STARD13: variants seen among roughly 807,000 people sequenced by gnomAD.
STARD13 encodes the protein stAR-related lipid transfer protein 13.
Under a neutral mutation model 106.4 loss-of-function variants are expected in STARD13, and 62 were observed. The ratio of observed to expected loss-of-function variants is 0.58; its 90% CI spans 0.48 to 0.72. STARD13 has a LOEUF of 0.72. STARD13 is among the 30% of genes least tolerant of loss of function. The probability of loss-of-function intolerance (pLI) is 0.00; values close to 1 mark genes in which losing one functional copy is unlikely to be tolerated. For synonymous variants in STARD13, 565 were observed against 553.0 expected (o/e 1.02, Z -0.31); for missense variants, 1,387 against 1,424.0 (o/e 0.97, Z 0.42).
At chr13:33,499,596 TC>T in the STARD13 span, among the ~76,000 whole-genome samples, 1 of 57,270 alleles carries the variant, frequency 1.7e-5, no homozygotes, top group Non-Finnish European at 3.7e-5. Flanking sequence ...TTCTTCTTCT[TC>T]TTCTTCTTTC....
At chr13:33,123,204 T>C (rs931290078) in intron 7 of STARD13, among the ~76,000 whole-genome samples, 12 of 151,000 alleles carry the variant, frequency 7.9e-5, no homozygotes, top group African/African-American at 2.9e-4. Context: ...GTACTAAGAG[T>C]CTTCCCAGCA....
the STARD13 span, among the ~76,000 whole-genome samples, chr13:33,499,519 T>TTTCTTTC: frequency 1.8e-4 from 17 of 91,968 alleles, no homozygotes; most frequent in African/African-American, 3.2e-4. Context: ...TTCTTCTTTC[T>TTTCTTTC]TTCTTCTTCT....
rs115664703 is a variant in STARD13 at position 33,268,830 on chromosome 13, C to G, written c.169+16640G>C. On this transcript the variant is annotated intron_variant, in intron 1 of 13. Transcript: ENST00000336934. Reference sequence around the variant, plus strand: ...CATGTCAGATTATTAGCATCAATCACAAAACATGGTAATTTATTTAAGTGG... The same window carrying G: ...CATGTCAGATTATTAGCATCAATCAGAAAACATGGTAATTTATTTAAGTGG... Among the ~76,000 whole-genome samples, 1,144 of 152,304 alleles carry G rather than the reference C, an allele frequency of 7.5e-3. 19 individuals carry two copies. Among genetic ancestry groups the G allele is most frequent in the African/African-American group, 0.026 (1,076 of 41,552 alleles).
At chr13:33,253,609 G>A (rs1035078555) in intron 1 of STARD13, among the ~76,000 whole-genome samples, 4 of 152,120 alleles carry the variant, frequency 2.6e-5, no homozygotes, top group African/African-American at 4.8e-5. Flanking sequence ...CGAGGCTGCC[G>A]GTCAGTGATG....
At chr13:33,645,006 G>A in the STARD13 span, among the ~76,000 whole-genome samples, 12 of 152,140 alleles carry the variant, frequency 7.9e-5, no homozygotes, top group African/African-American at 2.9e-4. Flanking sequence ...AAATACTTTG[G>A]TAGTAGTTCT....
At chr13:33,398,074 C>T in the STARD13 span, among the ~76,000 whole-genome samples, 1 of 152,192 alleles carries the variant, frequency 6.6e-6, no homozygotes, top group Admixed American at 6.5e-5. Flanking sequence ...GTATGGTCAA[C>T]TGGGCAATAA....
At chr13:33,614,933 GT>G in the STARD13 span, among the ~76,000 whole-genome samples, 1 of 152,186 alleles carries the variant, frequency 6.6e-6, no homozygotes, top group African/African-American at 2.4e-5. Context: ...CATTCTAAAT[GT>G]TTTTGGAAAC....
At chr13:33,369,265 T>C in the STARD13 span, among the ~76,000 whole-genome samples, 2 of 151,978 alleles carry the variant, frequency 1.3e-5, no homozygotes, top group Non-Finnish European at 2.9e-5. Context: ...CAGGTGCCTC[T>C]GTTGTTTCGT....
At chr13:33,264,897 T>G (rs1890822762) in intron 1 of STARD13, among the ~76,000 whole-genome samples, 1 of 152,158 alleles carries the variant, frequency 6.6e-6, no homozygotes. Context: ...ACAACCCGTC[T>G]TGATGAAGAG....
the STARD13 span, among the ~76,000 whole-genome samples, chr13:33,623,118 T>TAAAAA: frequency 1.3e-5 from 2 of 151,822 alleles, no homozygotes; most frequent in East Asian, 3.9e-4. Context: ...TAAAATAAAA[T>TAAAAA]AAAAATAAAT....
intron 1 of STARD13, among the ~76,000 whole-genome samples, chr13:33,293,420 T>C (rs1892366220): frequency 6.6e-6 from 1 of 152,228 alleles, no homozygotes; most frequent in South Asian, 2.1e-4. Flanking sequence ...GAGGAATAGA[T>C]GCATATTTTT....
chr13:33,191,507 C>T lies in STARD13; in HGVS notation c.170-23885G>A, dbSNP rs192093806. ...TCTTTGGAAAAATGTAATGGGACTC[C>T]AGAGAAGGTCAACCACATGCCGATG... On this transcript the variant is annotated intron_variant, in intron 1 of 13. Coordinates refer to ENST00000336934, the MANE Select transcript of STARD13 (RefSeq NM_178006.4). 2.6e-5 allele frequency among the ~76,000 whole-genome samples: 4 copies of T among 152,248 alleles called. No individual in the cohort carries two copies. The East Asian group carries it at 7.7e-4, about 29-fold the overall frequency.
At chr13:33,346,387 T>A (rs1453488122), downstream of STARD13, among the ~76,000 whole-genome samples, 2 of 152,168 alleles carry the variant, frequency 1.3e-5, no homozygotes, top group Non-Finnish European at 2.9e-5. Context: ...GTATGTATGA[T>A]CCCCTCCTTC....
At chr13:33,231,013 G>A (rs1238868281) in intron 1 of STARD13, among the ~76,000 whole-genome samples, 1 of 152,242 alleles carries the variant, frequency 6.6e-6, no homozygotes, top group Non-Finnish European at 1.5e-5. Context: ...TGGGACACTA[G>A]CTTAGAAGGA....
At chr13:33,403,226 C>G in the STARD13 span, among the ~76,000 whole-genome samples, 3 of 152,118 alleles carry the variant, frequency 2.0e-5, no homozygotes, top group Non-Finnish European at 4.4e-5. Flanking sequence ...ACAGGCAAGC[C>G]ACACCCCTGC....
chr13:33,205,782 C>T (rs1366002066), intron 1 of STARD13: 1 of 911,376 alleles, frequency 1.1e-6, no homozygotes, highest in South Asian at 5.1e-5. Flanking sequence ...GTCTTTCCCA[C>T]CACCACGACC....
the STARD13 span, among the ~76,000 whole-genome samples, chr13:33,671,193 T>C: frequency 6.6e-6 from 1 of 152,074 alleles, no homozygotes; most frequent in African/African-American, 2.4e-5. Context: ...TGTAGAATAA[T>C]TGAAACAATC....
chr13:33,233,521 C>G (rs1431946083), intron 1 of STARD13, among the ~76,000 whole-genome samples: 1 of 152,234 alleles, frequency 6.6e-6, no homozygotes, highest in South Asian at 2.1e-4. Context: ...GAGCCATTTT[C>G]AGCCCTTAAT....
intron 1 of STARD13, among the ~76,000 whole-genome samples, chr13:33,261,381 G>A (rs1890633094): frequency 6.6e-6 from 1 of 152,202 alleles, no homozygotes; most frequent in African/African-American, 2.4e-5. Context: ...TAGATAGAGA[G>A]TAACTACAAA....
Sources: gnomAD v4.1 joint callset for allele counts (sites outside exome capture counted in the v4.1 genomes callset) on GRCh38, gnomAD v4.1.1 for gene constraint, MANE v1.5 for transcripts, NCBI Gene and HGNC (gene_info 2026-07-23, HGNC 2026-07-21) for gene names.